The following STRBP variants were observed in gnomAD, a reference collection of about 807,000 sequenced individuals.
The protein encoded by STRBP is spermatid perinuclear RNA binding protein, also known as spermatid perinuclear RNA-binding protein.
A neutral mutation model predicts 80.1 loss-of-function variants in STRBP; 13 were observed. The ratio of observed to expected loss-of-function variants is 0.16; its 90% CI spans 0.11 to 0.26. The LOEUF is 0.26. STRBP is among the 10% of genes least tolerant of loss of function. The pLI, the probability that STRBP is intolerant of heterozygous loss-of-function variation, is 1.00. For synonymous variants in STRBP, 284 were observed against 291.2 expected (o/e 0.98, Z 0.25); for missense variants, 485 against 815.2 (o/e 0.59, Z 4.93).
rs938365944 is a variant in STRBP at position 123,229,540 on chromosome 9, C to G, written c.-165+7290G>C. The stretch of plus-strand genomic sequence containing the variant: ...TGTTGATGAATGATCCAACAGAAAA[C>G]AAAATATTGATGATGCAGGAAAATC... On this transcript the variant is annotated intron_variant, in intron 2 of 18. Transcript: ENST00000348403. Among the ~76,000 whole-genome samples the G allele has an allele frequency of 7.2e-5, 11 of 152,034 alleles. No individual in the cohort carries two copies. In the East Asian group the frequency reaches 2.1e-3, roughly 29 times the overall value.
chr9:123,122,201 A>T lies in STRBP; in HGVS notation c.*3396T>A. On this transcript the variant is annotated 3_prime_UTR_variant, in exon 19 of 19. Coordinates refer to ENST00000348403, the MANE Select transcript of STRBP (RefSeq NM_018387.5). ...AAAATAAAAGAGCTTACCTTTGTAT[A>T]CTGAGATCACAGCTTACAGTCACTA... The T allele has an allele frequency of 1.5e-6, 1 of 662,176 alleles. No homozygotes were observed. Among genetic ancestry groups the T allele is most frequent in the Non-Finnish European group, 2.3e-6 (1 of 442,998 alleles). The allele number at this position is 662,176 out of a possible 1,614,324, so 41.0% of individuals were successfully genotyped here.
At chr9:123,251,920 T>C (rs959597468) in intron 1 of STRBP, among the ~76,000 whole-genome samples, 1 of 152,060 alleles carries the variant, frequency 6.6e-6, no homozygotes, top group East Asian at 1.9e-4. Flanking sequence ...CCAGCTGACA[T>C]CTCTAAGGGT....
intron 3 of STRBP, chr9:123,111,634 C>T: frequency 4.2e-6 from 2 of 477,632 alleles, no homozygotes; most frequent in South Asian, 3.1e-5. Flanking sequence ...GGAGCCACAG[C>T]ACGTGACTTG....
intron 2 of STRBP, among the ~76,000 whole-genome samples, chr9:123,206,626 TTTTC>T (rs1225055923): frequency 1.3e-5 from 2 of 151,990 alleles, no homozygotes; most frequent in African/African-American, 4.8e-5. Context: ...TAAGATTTTT[TTTTC>T]TTTTTTTCTT....
downstream of STRBP, among the ~76,000 whole-genome samples, chr9:123,119,177 A>G (rs905907698): frequency 6.6e-6 from 1 of 152,020 alleles, no homozygotes; most frequent in Non-Finnish European, 1.5e-5. Flanking sequence ...AAGCACACCA[A>G]TCAGTTTCCT....
intron 2 of STRBP, among the ~76,000 whole-genome samples, chr9:123,221,729 T>C (rs1167618537): frequency 6.6e-6 from 1 of 152,236 alleles, no homozygotes; most frequent in Non-Finnish European, 1.5e-5. Context: ...TGTTTCTTCA[T>C]TTCCGGCAAT....
intron 9 of STRBP, 115 bp from the exon 10 acceptor site, chr9:123,158,544 G>T: frequency 1.2e-6 from 1 of 857,198 alleles, no homozygotes; most frequent in Non-Finnish European, 1.8e-6. Flanking sequence ...AAAAACTGAG[G>T]AACTAAGTTA....
At chr9:123,259,713 AAACAACAAC>A (rs774487865) in intron 1 of STRBP, among the ~76,000 whole-genome samples, 4 of 151,766 alleles carry the variant, frequency 2.6e-5, no homozygotes, top group East Asian at 1.9e-4. Flanking sequence ...CTGTCTCACA[AAACAACAAC>A]AACAACAACA....
At chr9:123,235,038 G>A (rs1340361377) in intron 2 of STRBP, among the ~76,000 whole-genome samples, 1 of 146,960 alleles carries the variant, frequency 6.8e-6, no homozygotes, top group Non-Finnish European at 1.5e-5. Flanking sequence ...AAATACAAGT[G>A]AACACCGGAA....
At chr9:123,195,075 C>A (rs1167973621) in intron 2 of STRBP, among the ~76,000 whole-genome samples, 4 of 152,114 alleles carry the variant, frequency 2.6e-5, no homozygotes, top group Non-Finnish European at 4.4e-5. Context: ...ATCAACACAT[C>A]CACTTGGATG....
At chr9:123,191,390 T>C (rs2038919418) in intron 2 of STRBP, among the ~76,000 whole-genome samples, 1 of 150,526 alleles carries the variant, frequency 6.6e-6, no homozygotes. Flanking sequence ...CCAAAGTGGC[T>C]GCAGTGAGGT....
chr9:123,257,536 T>G (rs2041060071), intron 1 of STRBP, among the ~76,000 whole-genome samples: 1 of 152,226 alleles, frequency 6.6e-6, no homozygotes, highest in African/African-American at 2.4e-5. Flanking sequence ...TATCTCTGGC[T>G]GGGCACACTG....
At chr9:123,175,115 A>C (rs927330673) in intron 4 of STRBP, among the ~76,000 whole-genome samples, 3 of 152,246 alleles carry the variant, frequency 2.0e-5, no homozygotes, top group African/African-American at 7.2e-5. Flanking sequence ...TTGCAAGACA[A>C]GAAATGTGAG....
chr9:123,202,934 A>C (rs1411370462), intron 2 of STRBP, among the ~76,000 whole-genome samples: 1 of 152,234 alleles, frequency 6.6e-6, no homozygotes, highest in Admixed American at 6.5e-5. Flanking sequence ...CAACCTGGTC[A>C]GAGCAACCAC....
intron 11 of STRBP, among the ~76,000 whole-genome samples, chr9:123,154,558 T>G (rs2037197822): frequency 6.9e-6 from 1 of 145,504 alleles, no homozygotes; most frequent in Non-Finnish European, 1.5e-5. Flanking sequence ...TTTTATGGGT[T>G]TGAAAGAAAT....
intron 1 of STRBP, among the ~76,000 whole-genome samples, chr9:123,237,732 A>T (rs1358629936): frequency 6.6e-6 from 1 of 152,138 alleles, no homozygotes; most frequent in African/African-American, 2.4e-5. Flanking sequence ...GCTCTATTTC[A>T]GCAACTGGGT....
At chr9:123,176,365 T>C (rs1256994739) in intron 4 of STRBP, among the ~76,000 whole-genome samples, 2 of 152,202 alleles carry the variant, frequency 1.3e-5, no homozygotes, top group Non-Finnish European at 2.9e-5. Context: ...CACAGGAAAC[T>C]GAAGAATAGA....
chr9:123,229,788 G>T (rs1405440433), intron 2 of STRBP, among the ~76,000 whole-genome samples: 2 of 152,114 alleles, frequency 1.3e-5, no homozygotes, highest in Non-Finnish European at 2.9e-5. Context: ...AAAGGAAGGG[G>T]TCGGAATAAT....
At chr9:123,149,539 A>G (rs1243036958) in intron 11 of STRBP, among the ~76,000 whole-genome samples, 1 of 152,206 alleles carries the variant, frequency 6.6e-6, no homozygotes, top group Non-Finnish European at 1.5e-5. Flanking sequence ...GCTTCATTCT[A>G]TCATAGCAGC....
Sources: allele counts gnomAD v4.1 joint callset (sites outside exome capture counted in the v4.1 genomes callset), GRCh38; gene constraint gnomAD v4.1.1; transcripts MANE v1.5; gene names NCBI Gene and HGNC (gene_info 2026-07-23, HGNC 2026-07-21).